CNDP1: variants seen among roughly 807,000 people sequenced by gnomAD.
CNDP1 encodes the protein carnosine dipeptidase 1.
CNDP1 carries 44 observed loss-of-function variants against 58.1 expected under a neutral mutation model. That is an observed-to-expected ratio of 0.76 (90% CI 0.60 to 0.97). The LOEUF (loss-of-function observed/expected upper bound fraction) is 0.97, where lower values mean the gene tolerates loss of function less well. Among genes scored for constraint, CNDP1 ranks in the 50% least tolerant of loss-of-function variants. The pLI is 0.00. For synonymous variants in CNDP1, 254 were observed against 252.6 expected (o/e 1.01, Z -0.05); for missense variants, 616 against 655.1 (o/e 0.94, Z 0.65).
At chr18:74,552,474 G>C (rs1419299988) in intron 1 of CNDP1, among the ~76,000 whole-genome samples, 1 of 152,126 alleles carries the variant, frequency 6.6e-6, no homozygotes, top group Non-Finnish European at 1.5e-5. Context: ...TCTCTATGAA[G>C]TTACCTACTC....
intron 11 of CNDP1, 64 bp downstream of exon 11, chr18:74,583,772 A>C: frequency 6.7e-7 from 1 of 1,500,816 alleles, no homozygotes; most frequent in Non-Finnish European, 9.2e-7. Flanking sequence ...CCGGGTCTAC[A>C]CGTGGGTGAG....
chr18:74,580,793 C>T (rs1328843650), intron 10 of CNDP1, among the ~76,000 whole-genome samples: 1 of 152,080 alleles, frequency 6.6e-6, no homozygotes, highest in Non-Finnish European at 1.5e-5. Context: ...TATGGTGAGA[C>T]CCCCATCTCT....
At chr18:74,557,085 T>G (rs2085795575) in intron 2 of CNDP1, among the ~76,000 whole-genome samples, 2 of 151,164 alleles carry the variant, frequency 1.3e-5, no homozygotes. Flanking sequence ...CTGGCTAATT[T>G]TTGTATTTTT....
In CNDP1 at chr18:74,587,123, T is replaced by G. The variant is rs1034442332; in HGVS notation, c.*2561T>G. On this transcript the variant is annotated 3_prime_UTR_variant, in exon 12 of 12. Transcript: ENST00000358821. ...TAGGGGTTAGGAATATCATTTGAGT[T>G]TGGTAGATGCTTTTCTGGAAAACAA... 2 of 152,184 alleles carry G rather than the reference T, an allele frequency of 1.3e-5. No individual in the cohort carries two copies. Among genetic ancestry groups the G allele is most frequent in the Admixed American group, 6.5e-5 (1 of 15,270 alleles). 9.4% of individuals were successfully genotyped at this position (152,184 alleles called of 1,614,324 possible).
At chr18:74,569,678 A>G (rs1400190391) in intron 6 of CNDP1, among the ~76,000 whole-genome samples, 2 of 152,110 alleles carry the variant, frequency 1.3e-5, no homozygotes, top group Admixed American at 1.3e-4. Flanking sequence ...TACTGATGCT[A>G]TCTCAATAAT....
At chr18:74,550,982 G>A (rs1030937004) in intron 1 of CNDP1, among the ~76,000 whole-genome samples, 4 of 152,064 alleles carry the variant, frequency 2.6e-5, no homozygotes, top group Non-Finnish European at 5.9e-5. Context: ...ACGTGTCCCC[G>A]CCTAACTCTC....
intron 1 of CNDP1, among the ~76,000 whole-genome samples, chr18:74,541,102 C>T (rs113664239): frequency 3.7e-4 from 56 of 152,258 alleles, no homozygotes; most frequent in African/African-American, 1.1e-3. Flanking sequence ...TGGTTCACAC[C>T]GGAAACTTGT....
At chr18:74,574,987 AAAAGGAAG>A (rs1325398049) in intron 7 of CNDP1, among the ~76,000 whole-genome samples, 1 of 145,038 alleles carries the variant, frequency 6.9e-6, no homozygotes, top group Admixed American at 6.7e-5. Context: ...AGAAACAGAG[AAAAGGAAG>A]AAAGGAAGGA....
At chr18:74,548,188 T>G (rs1393221495) in intron 1 of CNDP1, among the ~76,000 whole-genome samples, 2 of 152,228 alleles carry the variant, frequency 1.3e-5, no homozygotes, top group Non-Finnish European at 2.9e-5. Context: ...GATGAGAGTT[T>G]GGATCTGTGT....
intron 1 of CNDP1, among the ~76,000 whole-genome samples, chr18:74,548,315 A>G (rs1182048716): frequency 6.6e-6 from 1 of 152,036 alleles, no homozygotes; most frequent in Non-Finnish European, 1.5e-5. Flanking sequence ...CACAATAGTG[A>G]GTGAATTCTT....
intron 8 of CNDP1, chr18:74,577,636 A>T (rs1015217655): frequency 2.0e-5 from 3 of 152,644 alleles, no homozygotes; most frequent in African/African-American, 7.2e-5. Flanking sequence ...GCAAGCTGAA[A>T]AGAAGCGGTA....
At chr18:74,565,458 A>G (rs1301014837) in intron 5 of CNDP1, among the ~76,000 whole-genome samples, 2 of 152,230 alleles carry the variant, frequency 1.3e-5, no homozygotes, top group Non-Finnish European at 2.9e-5. Context: ...AAAGCAAGCT[A>G]GTTACTTCCT....
At chr18:74,560,793 CTT>C in intron 3 of CNDP1, 61 bp from the exon 4 acceptor site, 1 of 1,507,416 alleles carries the variant, frequency 6.6e-7, no homozygotes, top group South Asian at 1.1e-5. Flanking sequence ...AATGTCATGT[CTT>C]TGAATTTTCT....
At position 74,559,325 on chromosome 18, in the gene CNDP1, G is replaced by A. The variant is rs769897803; in HGVS notation, c.156G>A (p.Thr52=). 11 of 1,614,038 alleles carry A rather than the reference G, an allele frequency of 6.8e-6. 1 individual carries two copies. In the East Asian group the frequency reaches 1.1e-4, roughly 16 times the overall value. The part of the protein sequence containing the change: ...IDLHQDEFVQ[T]LKEWVAIESD... ...GGCCTGCTTGCTCTTCCTCCTAGAC[G>A]CTGAAGGAGTGGGTGGCCATCGAGA... is the stretch of plus-strand genomic sequence containing the variant. Residue 52 remains threonine (T), a splice_region_variant and synonymous_variant, in exon 3 of 12, where the codon ACG becomes ACA. Transcript: ENST00000358821.
At position 74,578,339 on chromosome 18, in the gene CNDP1, T is replaced by G. The variant is rs759428300; in HGVS notation, c.1167+12T>G. The stretch of plus-strand genomic sequence containing the variant: ...CGGTGGAAAAACAGGTAACAAATGC[T>G]TATTGTGACAATAACATGTTTCAGT... On this transcript the variant is annotated intron_variant, in intron 9 of 11. Coordinates refer to ENST00000358821, the MANE Select transcript of CNDP1 (RefSeq NM_032649.6). 6.3e-6 allele frequency: 10 copies of G among 1,594,882 alleles called. No individual in the cohort carries two copies. The highest frequency in any genetic ancestry group is 7.7e-6 in the Non-Finnish European group (9 of 1,169,410).
intron 4 of CNDP1, 98 bp from the exon 5 acceptor site, chr18:74,561,949 G>A: frequency 1.1e-6 from 1 of 914,780 alleles, no homozygotes; most frequent in East Asian, 2.5e-5. Flanking sequence ...ATTATAGAAA[G>A]CACTGTTAAC....
intron 5 of CNDP1, among the ~76,000 whole-genome samples, chr18:74,565,174 C>T (rs990081463): frequency 6.6e-6 from 1 of 152,196 alleles, no homozygotes; most frequent in Non-Finnish European, 1.5e-5. Context: ...AGACCTGCCT[C>T]CATGATTCAA....
chr18:74,545,679 C>T lies in CNDP1; in HGVS notation c.25-10659C>T, dbSNP rs1178392223. 1.1e-4 allele frequency among the ~76,000 whole-genome samples: 16 copies of T among 152,244 alleles called. No individual in the cohort carries two copies. The highest frequency in any genetic ancestry group is 5.9e-5 in the Non-Finnish European group (4 of 68,020). ...CCTCCTCCTCCTCTCTGCTGTTCTGCGGCCGGAACATCTTAATTTCACGTG... is the reference window on the plus strand; with the variant it reads ...CCTCCTCCTCCTCTCTGCTGTTCTGTGGCCGGAACATCTTAATTTCACGTG... On this transcript the variant is annotated intron_variant, in intron 1 of 11. Coordinates refer to ENST00000358821, the MANE Select transcript of CNDP1 (RefSeq NM_032649.6). This position sits in a 1 kb window ranked among gnomAD's most constrained non-coding sequence, Gnocchi z 4.1.
At chr18:74,577,262 G>C in intron 8 of CNDP1, 1 of 347,942 alleles carries the variant, frequency 2.9e-6, no homozygotes, top group South Asian at 9.2e-5. Context: ...ACCACAAGCA[G>C]TTACCCATTT....
Sources: gnomAD v4.1 joint callset for allele counts (sites outside exome capture counted in the v4.1 genomes callset) on GRCh38, gnomAD v4.1.1 for gene constraint, Gnocchi (gnomAD v3.1) non-coding constraint, MANE v1.5 for transcripts, NCBI Gene and HGNC (gene_info 2026-07-23, HGNC 2026-07-21) for gene names.